The following SLC2A13 variants were observed in gnomAD, a reference collection of about 807,000 sequenced individuals.
The protein encoded by SLC2A13 is proton myo-inositol cotransporter.
SLC2A13 carries 32 observed loss-of-function variants against 64.4 expected under a neutral mutation model. That is an observed-to-expected ratio of 0.50 (90% confidence interval 0.37 to 0.67). The LOEUF (loss-of-function observed/expected upper bound fraction) is 0.67. SLC2A13 is among the 30% of genes least tolerant of loss of function. SLC2A13 has a pLI of 0.00. For synonymous variants in SLC2A13, 338 were observed against 327.1 expected (o/e 1.03, Z -0.36); for missense variants, 743 against 829.2 (o/e 0.90, Z 1.28).
rs958270508 is a variant in SLC2A13 at position 40,106,042 on chromosome 12, T to G, written c.-234A>C. 7 of 384,686 alleles carry G rather than the reference T, an allele frequency of 1.8e-5. No individual in the cohort carries two copies. The highest frequency in any genetic ancestry group is 2.7e-5 in the Non-Finnish European group (6 of 225,558). The allele number at this position is 384,686 out of a possible 1,614,324, so 23.8% of individuals were successfully genotyped here. ...GAGCCCGGCGGGTCTCACTCCACAC[T>G]CACGCCCCGCGCCTGCCGAGCTGGC... On this transcript the variant is annotated 5_prime_UTR_variant, in exon 1 of 10. Transcript: ENST00000280871.
intron 4 of SLC2A13, among the ~76,000 whole-genome samples, chr12:39,874,269 T>C (rs1944125143): frequency 6.6e-6 from 1 of 152,070 alleles, no homozygotes; most frequent in Admixed American, 6.5e-5. Flanking sequence ...TGCAAAATGG[T>C]ATGCTGGGTT....
At chr12:40,003,792 G>C (rs1047284089) in intron 3 of SLC2A13, among the ~76,000 whole-genome samples, 1 of 151,756 alleles carries the variant, frequency 6.6e-6, no homozygotes, top group African/African-American at 2.4e-5. Context: ...TACAAAATGG[G>C]AGTATTATTC....
intron 4 of SLC2A13, among the ~76,000 whole-genome samples, 172 bp from the exon 5 acceptor site, chr12:39,872,133 C>T (rs1944073532): frequency 1.3e-5 from 2 of 152,072 alleles, no homozygotes; most frequent in Non-Finnish European, 2.9e-5. Context: ...AATATAAAGA[C>T]TATGTTCAAA....
intron 3 of SLC2A13, among the ~76,000 whole-genome samples, chr12:39,954,802 G>A (rs1184505615): frequency 6.6e-6 from 1 of 152,142 alleles, no homozygotes; most frequent in Non-Finnish European, 1.5e-5. Flanking sequence ...AATTCATCAA[G>A]AGAATATAAC....
At chr12:40,035,373 T>C (rs1223828505) in intron 2 of SLC2A13, among the ~76,000 whole-genome samples, 1 of 152,228 alleles carries the variant, frequency 6.6e-6, no homozygotes, top group Non-Finnish European at 1.5e-5. Context: ...AGCAACTTAC[T>C]TGGTAACATA....
At chr12:39,961,993 T>C (rs938396920) in intron 3 of SLC2A13, among the ~76,000 whole-genome samples, 1 of 152,208 alleles carries the variant, frequency 6.6e-6, no homozygotes, top group Non-Finnish European at 1.5e-5. Flanking sequence ...ATATGGGGTG[T>C]TTACTTAATT....
chr12:39,764,841 T>A lies in SLC2A13; in HGVS notation c.1463A>T (p.Lys488Met). The change falls in exon 8 of 10, where the codon AAG becomes ATG. Residue 488 changes from lysine (K) to methionine (M), a missense_variant. Lys to Met is a moderately conservative substitution (Grantham distance 95). Coordinates refer to ENST00000280871, the MANE Select transcript of SLC2A13 (RefSeq NM_052885.4). ...AAWGRCENET[K>M]FKTEDIFWAY... Reference sequence around the variant, plus strand: ...CCAAAATATATCTTCTGTTTTGAACTTGGTTTCATTTTCACACCTGAAAAA... The same window carrying A: ...CCAAAATATATCTTCTGTTTTGAACATGGTTTCATTTTCACACCTGAAAAA... The A allele has an allele frequency of 6.2e-7, 1 of 1,612,120 alleles. No homozygotes were observed. Among genetic ancestry groups the A allele is most frequent in the Non-Finnish European group, 8.5e-7 (1 of 1,178,974 alleles).
chr12:40,096,432 G>T, intron 1 of SLC2A13, among the ~76,000 whole-genome samples: 1 of 151,012 alleles, frequency 6.6e-6, no homozygotes, highest in African/African-American at 2.4e-5. Context: ...TTTCCAATCT[G>T]TTGCCTTGCT....
intron 6 of SLC2A13, among the ~76,000 whole-genome samples, chr12:39,851,564 G>A (rs533565197): frequency 2.0e-3 from 310 of 152,260 alleles, no homozygotes; most frequent in Non-Finnish European, 3.7e-3. Flanking sequence ...TAAAATTACT[G>A]AAGGAGCAAC....
chr12:40,089,350 C>T (rs1206348621), intron 1 of SLC2A13, among the ~76,000 whole-genome samples: 1 of 152,198 alleles, frequency 6.6e-6, no homozygotes, highest in Non-Finnish European at 1.5e-5. Context: ...CAACCAACAT[C>T]TACTGAACTC....
At chr12:39,808,427 G>A (rs1420050442) in intron 7 of SLC2A13, among the ~76,000 whole-genome samples, 3 of 152,088 alleles carry the variant, frequency 2.0e-5, no homozygotes, top group African/African-American at 7.2e-5. Context: ...AGAAACATTT[G>A]TTGGACACAT....
At chr12:40,063,741 T>G (rs1948464413) in intron 1 of SLC2A13, among the ~76,000 whole-genome samples, 2 of 152,184 alleles carry the variant, frequency 1.3e-5, no homozygotes, top group Non-Finnish European at 2.9e-5. Flanking sequence ...AATTAAGGTG[T>G]GCAAATCCAA....
intron 6 of SLC2A13, among the ~76,000 whole-genome samples, chr12:39,849,366 T>G (rs2135890952): frequency 6.6e-6 from 1 of 152,250 alleles, no homozygotes; most frequent in East Asian, 1.9e-4. Context: ...CCTAAAAGTC[T>G]CAGAGTTAAT....
intron 7 of SLC2A13, among the ~76,000 whole-genome samples, chr12:39,778,483 CAT>C (rs747743481): frequency 2.6e-5 from 4 of 152,078 alleles, no homozygotes; most frequent in Admixed American, 6.6e-5. Context: ...GGAACAGACT[CAT>C]GTGAGGGCCA....
Position 39,833,342 on chromosome 12 carries a change from G to A in SLC2A13, c.1320-3114C>T, listed in dbSNP as rs572522507. On this transcript the variant is annotated intron_variant, in intron 6 of 9. Transcript: ENST00000280871. ...TATAGATCCCCTGTGGAGATATTTC[G>A]CCCTTTTTTTAAATTCCCTAACTTC... 1.1e-4 allele frequency among the ~76,000 whole-genome samples: 17 copies of A among 152,026 alleles called. No individual in the cohort carries two copies. In the East Asian group the frequency reaches 1.7e-3, roughly 16 times the overall value.
intron 4 of SLC2A13, among the ~76,000 whole-genome samples, chr12:39,942,524 G>A (rs1384949735): frequency 6.6e-6 from 1 of 152,174 alleles, no homozygotes; most frequent in Non-Finnish European, 1.5e-5. Context: ...GTTGCTGTTG[G>A]TGTATAGAAG....
chr12:39,976,161 C>T (rs1946753995), intron 3 of SLC2A13, among the ~76,000 whole-genome samples: 1 of 152,246 alleles, frequency 6.6e-6, no homozygotes, highest in African/African-American at 2.4e-5. Flanking sequence ...AGCATTACAG[C>T]AAGTTCAAGG....
chr12:39,927,921 TAAATGAATTAACTTCAAATA>T (rs1945755423), intron 4 of SLC2A13, among the ~76,000 whole-genome samples: 1 of 152,142 alleles, frequency 6.6e-6, no homozygotes. Flanking sequence ...CACAAATAAT[TAAATGAATTAACTTCAAATA>T]AACTGGAACC....
At chr12:39,805,770 G>C (rs115800175) in intron 7 of SLC2A13, among the ~76,000 whole-genome samples, 18 of 152,200 alleles carry the variant, frequency 1.2e-4, no homozygotes, top group Non-Finnish European at 4.4e-5. Flanking sequence ...AACCAGATCT[G>C]AGTGGGCAAG....
Sources: gnomAD v4.1 joint callset for allele counts (sites outside exome capture counted in the v4.1 genomes callset) on GRCh38, gnomAD v4.1.1 for gene constraint, MANE v1.5 for transcripts, NCBI Gene and HGNC (gene_info 2026-07-23, HGNC 2026-07-21) for gene names.